CADPS: variants seen among roughly 807,000 people sequenced by gnomAD.
CADPS encodes calcium-dependent secretion activator 1.
In CADPS, 57 loss-of-function variants were observed where a neutral mutation model predicts 167.3. The observed-to-expected ratio is 0.34, with a 90% confidence interval of 0.28 to 0.42. The LOEUF (loss-of-function observed/expected upper bound fraction) is 0.42, where lower values mean the gene tolerates loss of function less well. CADPS is among the 20% of genes least tolerant of loss of function. The pLI, the probability that CADPS is intolerant of heterozygous loss-of-function variation, is 1.00. For missense variants in CADPS, 1,414 were observed against 1,738.1 expected, an observed-to-expected ratio of 0.81 and a Z score of 3.32; for synonymous variants, 676 against 635.3, an observed-to-expected ratio of 1.06 and a Z score of -0.96.
intron 3 of CADPS, among the ~76,000 whole-genome samples, chr3:62,723,861 C>T (rs1317573238): frequency 2.0e-5 from 3 of 152,230 alleles, no homozygotes; most frequent in Non-Finnish European, 4.4e-5. Flanking sequence ...GAGGTAGCCA[C>T]GTTCTCAGAG....
Position 62,413,146 on chromosome 3 carries a change from A to G in CADPS, c.3778-9961T>C, listed in dbSNP as rs2049295994. Among the ~76,000 whole-genome samples the G allele has an allele frequency of 3.3e-5, 5 of 152,328 alleles. No individual in the cohort carries two copies. In the South Asian group the frequency reaches 1.0e-3, roughly 32 times the overall value. On this transcript the variant is annotated intron_variant, in intron 28 of 29. Transcript: ENST00000383710. ...AAAGACACGAAGGCACAAGATGGGA[A>G]AGCAGAGGCACTGATGTGAATTTTC...
intron 2 of CADPS, among the ~76,000 whole-genome samples, chr3:62,760,661 C>T (rs2085174617): frequency 6.6e-6 from 1 of 152,110 alleles, no homozygotes; most frequent in Non-Finnish European, 1.5e-5. Context: ...TTATTCTTCC[C>T]CTATGGATGT....
intron 3 of CADPS, among the ~76,000 whole-genome samples, chr3:62,679,543 T>C (rs1417451421): frequency 6.6e-6 from 1 of 151,974 alleles, no homozygotes; most frequent in African/African-American, 2.4e-5. Flanking sequence ...AAGTAACTCA[T>C]CCATGTCTCT....
chr3:62,521,322 G>A (rs1476558339), intron 13 of CADPS, among the ~76,000 whole-genome samples: 1 of 152,160 alleles, frequency 6.6e-6, no homozygotes, highest in East Asian at 1.9e-4. Flanking sequence ...TGGAACCCAA[G>A]ATATTCTGCA....
In CADPS at chr3:62,721,916, G is replaced by T. The variant is rs1389968107; in HGVS notation, c.888+31525C>A. On this transcript the variant is annotated intron_variant, in intron 3 of 29. Transcript: ENST00000383710. ...GATCCTGGTTGTGAATCCCAGTCTG[G>T]GTTCAAAACATGATGCTAATGACAA... Among the ~76,000 whole-genome samples the T allele has an allele frequency of 2.0e-5, 3 of 152,062 alleles. No individual in the cohort carries two copies. In the East Asian group the frequency reaches 5.8e-4, roughly 29 times the overall value.
chr3:62,702,280 G>C lies in CADPS; in HGVS notation c.889-39886C>G, dbSNP rs56323037. ...GATTCATTGATGCATGCAAACATTT[G>C]AATGCTTATTATAAGCCAAAGATTG... On this transcript the variant is annotated intron_variant, in intron 3 of 29. Coordinates refer to ENST00000383710, the MANE Select transcript of CADPS (RefSeq NM_003716.4). Among the ~76,000 whole-genome samples the C allele has an allele frequency of 3.1e-3, 475 of 152,246 alleles. 5 individuals are homozygous for C. The highest frequency in any genetic ancestry group is 0.011 in the African/African-American group (441 of 41,514).
chr3:62,866,634 G>T (rs142654171), intron 1 of CADPS, among the ~76,000 whole-genome samples: 1 of 152,016 alleles, frequency 6.6e-6, no homozygotes, highest in Non-Finnish European at 1.5e-5. Flanking sequence ...AGAGTGAATC[G>T]CATGAAGAAA....
At chr3:62,703,039 C>T (rs80186913) in intron 3 of CADPS, among the ~76,000 whole-genome samples, 12,132 of 152,070 alleles carry the variant, frequency 0.08, 598 homozygotes, top group South Asian at 0.16. Context: ...CCCATGTTCT[C>T]GACTGTTTCA....
chr3:62,532,012 T>C (rs1011448218), intron 13 of CADPS, among the ~76,000 whole-genome samples: 2 of 152,174 alleles, frequency 1.3e-5, no homozygotes, highest in Admixed American at 1.3e-4. Context: ...TAGACTGTGA[T>C]CTCAAAAGTT....
chr3:62,637,948 T>A (rs2066622591), intron 6 of CADPS, among the ~76,000 whole-genome samples: 1 of 152,034 alleles, frequency 6.6e-6, no homozygotes, highest in African/African-American at 2.4e-5. Flanking sequence ...GAATCAACGT[T>A]AATGATCACT....
At chr3:62,787,242 C>A (rs2092540669) in intron 1 of CADPS, among the ~76,000 whole-genome samples, 1 of 152,084 alleles carries the variant, frequency 6.6e-6, no homozygotes, top group Non-Finnish European at 1.5e-5. Context: ...TTGTAGTGAG[C>A]CAAGATCGCA....
intron 11 of CADPS, among the ~76,000 whole-genome samples, chr3:62,541,709 T>C (rs931715076): frequency 6.6e-6 from 1 of 152,124 alleles, no homozygotes; most frequent in East Asian, 1.9e-4. Flanking sequence ...ATTCAAGTGG[T>C]ATGGTCCCTA....
chr3:62,668,476 A>G (rs2074899349), intron 3 of CADPS, among the ~76,000 whole-genome samples: 1 of 152,082 alleles, frequency 6.6e-6, no homozygotes, highest in African/African-American at 2.4e-5. Context: ...GCTGTTCCTC[A>G]TGCCTGGAGC....
chr3:62,721,142 A>C (rs1200608724), intron 3 of CADPS, among the ~76,000 whole-genome samples: 2 of 80,590 alleles, frequency 2.5e-5, no homozygotes, highest in Non-Finnish European at 5.3e-5. Flanking sequence ...TTTAAAAAAA[A>C]AAAGAAGAAA....
chr3:62,521,097 C>T (rs2070448562), intron 13 of CADPS, among the ~76,000 whole-genome samples: 1 of 152,104 alleles, frequency 6.6e-6, no homozygotes, highest in Admixed American at 6.6e-5. Context: ...ATTGGTTGGT[C>T]CCCTAAAGTT....
At chr3:62,641,918 G>A (rs1228703753) in intron 6 of CADPS, among the ~76,000 whole-genome samples, 5 of 152,012 alleles carry the variant, frequency 3.3e-5, no homozygotes, top group Admixed American at 1.3e-4. Flanking sequence ...ACTAATGAAC[G>A]CAGTGTTATT....
At chr3:62,656,528 GCTGAGGCAA>G (rs1190965331) in intron 4 of CADPS, among the ~76,000 whole-genome samples, 1 of 152,278 alleles carries the variant, frequency 6.6e-6, no homozygotes, top group East Asian at 1.9e-4. Flanking sequence ...TGTCTATAGA[GCTGAGGCAA>G]CTCTGGGGGT....
At chr3:62,766,972 T>C (rs1436390450) in intron 1 of CADPS, among the ~76,000 whole-genome samples, 1 of 152,182 alleles carries the variant, frequency 6.6e-6, no homozygotes, top group African/African-American at 2.4e-5. Context: ...AACTGCCTTA[T>C]ATGTGCCAGA....
At chr3:62,667,340 C>G (rs1195854502) in intron 3 of CADPS, among the ~76,000 whole-genome samples, 1 of 151,836 alleles carries the variant, frequency 6.6e-6, no homozygotes, top group Non-Finnish European at 1.5e-5. Flanking sequence ...GGTGGGGAAC[C>G]CTGGGACCCT....
Sources: allele counts gnomAD v4.1 joint callset (sites outside exome capture counted in the v4.1 genomes callset), GRCh38; gene constraint gnomAD v4.1.1; transcripts MANE v1.5; gene names NCBI Gene and HGNC (gene_info 2026-07-23, HGNC 2026-07-21).